Variants in APOBEC3B observed in about 807,000 individuals in gnomAD.
APOBEC3B encodes the protein apolipoprotein B mRNA editing enzyme catalytic subunit 3B, also known as DNA dC->dU-editing enzyme APOBEC-3B.
APOBEC3B carries 29 observed loss-of-function variants against 53.4 expected under a neutral mutation model. That is an observed-to-expected ratio of 0.54 (90% CI 0.40 to 0.74). The LOEUF is 0.74. Among genes scored for constraint, APOBEC3B ranks in the 30% least tolerant of loss-of-function variants. The pLI, the probability that APOBEC3B is intolerant of heterozygous loss-of-function variation, is 0.00. For synonymous variants in APOBEC3B, 132 were observed against 184.8 expected (o/e 0.71, Z 2.32); for missense variants, 347 against 496.2 (o/e 0.70, Z 2.86).
At chr22:38,982,589 G>C in intron 1 of APOBEC3B, 119 bp downstream of exon 1, 1 of 1,225,290 alleles carries the variant, frequency 8.2e-7, no homozygotes, top group Non-Finnish European at 1.1e-6. Context: ...CCTCCCCTCT[G>C]GCTCCCCTGC....
rs750300713 is a variant in APOBEC3B, at chr22:38,992,479, C to G, written c.*34C>G. On this transcript the variant is annotated 3_prime_UTR_variant, in exon 8 of 8. Coordinates refer to ENST00000333467, the MANE Select transcript of APOBEC3B (RefSeq NM_004900.5). Reference sequence around the variant, plus strand: ...CCTCAGTCTCTAAGGAAGGCAGAGACCTGGGTTGAGCAGCAGAATAAAAGA... The same window carrying G: ...CCTCAGTCTCTAAGGAAGGCAGAGAGCTGGGTTGAGCAGCAGAATAAAAGA... 16 of 1,529,064 alleles carry G rather than the reference C, an allele frequency of 1.0e-5. No homozygotes were observed. In the Admixed American group the frequency reaches 1.6e-4, roughly 15 times the overall value. 94.7% of individuals were successfully genotyped at this position (1,529,064 alleles called of 1,614,324 possible). A position where few individuals can be genotyped will look rare whatever the true frequency, so the allele number is the denominator to read the frequency against.
chr22:38,987,208 G>A (rs1207833405), intron 4 of APOBEC3B, among the ~76,000 whole-genome samples: 1 of 148,836 alleles, frequency 6.7e-6, no homozygotes, highest in South Asian at 2.2e-4. Context: ...TCTGCCCATG[G>A]GGCCTCTGCT....
intron 4 of APOBEC3B, 127 bp downstream of exon 4, chr22:38,986,539 TC>T: frequency 9.0e-7 from 1 of 1,107,048 alleles, no homozygotes; most frequent in Non-Finnish European, 1.3e-6. Flanking sequence ...CACACCACCT[TC>T]CCTTAACTCC....
In APOBEC3B at chr22:38,992,481, T is replaced by A. The variant is rs150925968; in HGVS notation, c.*36T>A. ...TCAGTCTCTAAGGAAGGCAGAGACC[T>A]GGGTTGAGCAGCAGAATAAAAGATC... On this transcript the variant is annotated 3_prime_UTR_variant, in exon 8 of 8. Coordinates refer to ENST00000333467, the MANE Select transcript of APOBEC3B (RefSeq NM_004900.5). 92,717 of 1,520,854 alleles carry A rather than the reference T, an allele frequency of 0.061. 3,319 individuals carry two copies. The highest frequency in any genetic ancestry group is 0.07 in the Non-Finnish European group (79,195 of 1,135,772). The allele number at this position is 1,520,854 out of a possible 1,614,324, so 94.2% of individuals were successfully genotyped here.
In APOBEC3B at chr22:38,984,153, C is replaced by A. The variant is rs757755950; in HGVS notation, c.96C>A (p.Tyr32Ter). ...ENEPILYGRS[Y>*]TWLCYEVKIK... ...AACCCATCCTCTATGGTCGGAGCTACACTTGGCTGTGCTATGAAGTGAAAA... is the reference window on the plus strand; with the variant it reads ...AACCCATCCTCTATGGTCGGAGCTAAACTTGGCTGTGCTATGAAGTGAAAA... Residue 32 changes from tyrosine to a stop codon, truncating the protein, a stop_gained, in exon 2 of 8, where the codon TAC (tyrosine) becomes TAA (stop). Transcript: ENST00000333467. LOFTEE classifies it high-confidence loss of function. 6.3e-7 allele frequency: 1 copy of A among 1,592,550 alleles called. No homozygotes were observed. Among genetic ancestry groups the A allele is most frequent in the Non-Finnish European group, 8.5e-7 (1 of 1,172,098 alleles).
intron 1 of APOBEC3B, 70 bp downstream of exon 1, chr22:38,982,540 A>T (rs1603267122): frequency 6.4e-7 from 1 of 1,559,086 alleles, no homozygotes; most frequent in Non-Finnish European, 8.7e-7. Flanking sequence ...CTGGGCCTCA[A>T]CCCTGGCCTC....
rs370262096 is a variant in APOBEC3B at position 38,987,614 on chromosome 22, G to A, written c.569+1202G>A. Among the ~76,000 whole-genome samples the A allele has an allele frequency of 2.7e-4, 40 of 148,288 alleles. 4 individuals are homozygous for A. The highest frequency in any genetic ancestry group is 1.2e-3 in the Admixed American group (18 of 14,442). On this transcript the variant is annotated intron_variant, in intron 4 of 7. Transcript: ENST00000333467. ...TACTTTGTTTCAACACAAAGTCTTAGGAGAGGGTGTGGGGGAGGAAATGGT... is the reference window on the plus strand; with the variant it reads ...TACTTTGTTTCAACACAAAGTCTTAAGAGAGGGTGTGGGGGAGGAAATGGT...
chr22:38,991,576 T>C lies in APOBEC3B; in HGVS notation c.968T>C (p.Leu323Pro). 1 of 1,591,368 alleles carries C rather than the reference T, an allele frequency of 6.3e-7. No homozygotes were observed. Among genetic ancestry groups the C allele is most frequent in the Non-Finnish European group, 8.5e-7 (1 of 1,172,208 alleles). The change falls in exon 6 of 8, where the codon CTG (leucine) becomes CCG (proline). Residue 323 changes from leucine (L) to proline (P), a missense_variant. Leu to Pro is a moderately conservative substitution (Grantham distance 98, BLOSUM62 -3). Around this residue, in one of 5 missense-constraint regions of APOBEC3B, gnomAD observed 78 missense variants for 103.9 expected, o/e 0.75. Transcript: ENST00000333467. The part of the protein sequence containing the change: ...YDYDPLYKEA[L>P]QMLRDAGAQV... ...TACGACCCCCTATATAAGGAGGCGC[T>C]GCAAATGCTGCGGGATGCTGGGGCC...
rs928700158 is a variant in APOBEC3B at position 38,982,355 on chromosome 22, G to C, written c.-99G>C. 1 of 1,515,158 alleles carries C rather than the reference G, an allele frequency of 6.6e-7. No individual in the cohort carries two copies. The highest frequency in any genetic ancestry group is 2.6e-5 in the East Asian group (1 of 38,232). The allele number at this position is 1,515,158 out of a possible 1,614,324, so 93.9% of individuals were successfully genotyped here. On this transcript the variant is annotated 5_prime_UTR_variant, in exon 1 of 8. Coordinates refer to ENST00000333467, the MANE Select transcript of APOBEC3B (RefSeq NM_004900.5). ...TAAGGCCCTGGGAGGTCACTTTAAG[G>C]AGGGCTGTCCAACTGCAAGGACGCT...
intron 4 of APOBEC3B, among the ~76,000 whole-genome samples, chr22:38,988,494 G>GTGT (rs1256275750): frequency 6.7e-6 from 1 of 148,580 alleles, no homozygotes; most frequent in East Asian, 2.3e-4. Context: ...TTAGAAAAGG[G>GTGT]TGTTGCTTGT....
chr22:38,989,616 C>T lies in APOBEC3B; in HGVS notation c.723+6C>T, dbSNP rs750852813. The T allele has an allele frequency of 7.7e-6, 12 of 1,560,970 alleles. 2 individuals are homozygous for T. The Admixed American group carries it at 1.3e-4, about 17-fold the overall frequency. On this transcript the variant is annotated splice_donor_region_variant and intron_variant, in intron 5 of 7. Transcript: ENST00000333467. ...TGGGCTTTCTATGCAACGAGGTGAC[C>T]GACCCAGCCACCTGCATCCAGGCAG...
chr22:38,990,887 G>A (rs1384920772), intron 5 of APOBEC3B, among the ~76,000 whole-genome samples: 2 of 146,330 alleles, frequency 1.4e-5, no homozygotes, highest in Non-Finnish European at 3.0e-5. Context: ...CTGGGGTGAG[G>A]GTCCTGAAGG....
intron 6 of APOBEC3B, 101 bp from the exon 7 acceptor site, chr22:38,991,933 T>C: frequency 3.5e-6 from 5 of 1,438,454 alleles, no homozygotes; most frequent in Non-Finnish European, 4.6e-6. Context: ...AAGGAGGGAC[T>C]GAAACCAGGA....
chr22:38,989,648 C>T, intron 5 of APOBEC3B, 38 bp downstream of exon 5: 1 of 1,530,162 alleles, frequency 6.5e-7, no homozygotes, highest in East Asian at 2.6e-5. Flanking sequence ...GCAGGGCCCT[C>T]CCAATCCAGG....
rs750284000 is a variant in APOBEC3B at position 38,988,685 on chromosome 22, CTTTCTTTCTTTCTT to C, written c.570-770_570-757del. On this transcript the variant is annotated intron_variant, in intron 4 of 7. Coordinates refer to ENST00000333467, the MANE Select transcript of APOBEC3B (RefSeq NM_004900.5). ...GCTTCCTCTCTCTTTCTCTCTTTCT[CTTTCTTTCTTTCTT>C]TCTTTCTTTCTTTCTTTCTTTCTTT... is the stretch of plus-strand genomic sequence containing the variant. Among the ~76,000 whole-genome samples the C allele has an allele frequency of 5.5e-4, 25 of 45,520 alleles. 6 individuals carry two copies. Among genetic ancestry groups the C allele is most frequent in the East Asian group, 3.8e-3 (2 of 522 alleles). The allele number at this position is 45,520 out of a possible 152,430, so 29.9% of individuals were successfully genotyped here. A position where few individuals can be genotyped will look rare whatever the true frequency, so the allele number is the denominator to read the frequency against.
At chr22:38,988,720 T>TCTCTCTTTCTCTCTTTCTCA (rs1923859336) in intron 4 of APOBEC3B, among the ~76,000 whole-genome samples, 1 of 131,390 alleles carries the variant, frequency 7.6e-6, no homozygotes, top group Non-Finnish European at 1.6e-5. Context: ...TTTCTTTCTT[T>TCTCTCTTTCTCTCTTTCTCA]CTTTCTTTCT....
chr22:38,985,171 G>A lies in APOBEC3B; in HGVS notation c.175-641G>A, dbSNP rs1923685723. Reference sequence around the variant, plus strand: ...TGCCTTGGCCTCCCAAAGTGCTGGGGTTACAAGCATGAGTCACCGCACCTG... The same window carrying A: ...TGCCTTGGCCTCCCAAAGTGCTGGGATTACAAGCATGAGTCACCGCACCTG... On this transcript the variant is annotated intron_variant, in intron 2 of 7. Coordinates refer to ENST00000333467, the MANE Select transcript of APOBEC3B (RefSeq NM_004900.5). 4.7e-5 allele frequency among the ~76,000 whole-genome samples: 7 copies of A among 148,198 alleles called. 2 individuals carry two copies. The South Asian group carries it at 1.6e-3, about 33-fold the overall frequency.
chr22:38,982,969 T>C (rs188066404), intron 1 of APOBEC3B, among the ~76,000 whole-genome samples: 5 of 148,730 alleles, frequency 3.4e-5, no homozygotes, highest in Non-Finnish European at 7.4e-5. Flanking sequence ...GATGACTCCA[T>C]GGTGAGCAGA....
intron 5 of APOBEC3B, among the ~76,000 whole-genome samples, chr22:38,990,201 T>A (rs1159306022): frequency 2.0e-5 from 3 of 148,192 alleles, no homozygotes; most frequent in Admixed American, 6.9e-5. Context: ...GAGGCCAAGT[T>A]CTGCTTGGCT....
Sources: gnomAD v4.1 joint callset for allele counts (sites outside exome capture counted in the v4.1 genomes callset) on GRCh38, gnomAD v4.1.1 for gene constraint, gnomAD v4.1.1 regional missense constraint, MANE v1.5 for transcripts, NCBI Gene and HGNC (gene_info 2026-07-23, HGNC 2026-07-21) for gene names.